NTRK1: variants seen among roughly 807,000 people sequenced by gnomAD.
The protein encoded by NTRK1 is neurotrophic receptor tyrosine kinase 1, also known as high affinity nerve growth factor receptor.
NTRK1 carries 62 observed loss-of-function variants against 86.8 expected under a neutral mutation model. The ratio of observed to expected loss-of-function variants is 0.71; its 90% CI spans 0.58 to 0.88. NTRK1 has a LOEUF of 0.88. Among genes scored for constraint, NTRK1 ranks in the 40% least tolerant of loss-of-function variants. The pLI, the probability that NTRK1 is intolerant of heterozygous loss-of-function variation, is 0.00. For missense variants in NTRK1, 967 were observed against 1,078.4 expected, an observed-to-expected ratio of 0.90 and a Z score of 1.45; for synonymous variants, 469 against 456.6, an observed-to-expected ratio of 1.03 and a Z score of -0.35.
intron 1 of NTRK1, among the ~76,000 whole-genome samples, chr1:156,833,249 G>GT (rs2102843906): frequency 6.6e-6 from 1 of 152,348 alleles, no homozygotes; most frequent in East Asian, 1.9e-4. Flanking sequence ...TTACCAGATT[G>GT]TTTTTTGTGT....
intron 1 of NTRK1, among the ~76,000 whole-genome samples, chr1:156,834,552 T>C (rs1571648539): frequency 1.3e-5 from 2 of 152,154 alleles, no homozygotes; most frequent in Admixed American, 1.3e-4. Context: ...TAACTGGCTG[T>C]GTGATCTTAG....
At chr1:156,839,037 T>G (rs1654671723) in intron 1 of NTRK1, among the ~76,000 whole-genome samples, 1 of 152,198 alleles carries the variant, frequency 6.6e-6, no homozygotes, top group African/African-American at 2.4e-5. Context: ...ACTCCCCAAC[T>G]TTTTCCCTTA....
rs139790457 is a variant in NTRK1, at chr1:156,815,941, T to C, written c.-64+103T>C. The C allele has an allele frequency of 1.0e-3, 1,658 of 1,604,724 alleles. 23 individuals carry two copies. In the African/African-American group the frequency reaches 0.02, roughly 20 times the overall value. On this transcript the variant is annotated intron_variant, in intron 1 of 16. Coordinates refer to the NTRK1 transcript ENST00000392302. ...TGGCCTTTGTCCATCTGCAAGTCCT[T>C]CCCCATGGGAGGGTGGGAGAGATGA...
rs143813011 is a variant in NTRK1, at chr1:156,879,859, C to T, written c.2047-140C>T. On this transcript the variant is annotated intron_variant, in intron 15 of 16. Transcript: ENST00000524377. ...CTCCTGACCTCGTGATTGCCCACCT[C>T]GGCCTCCCAAAGTGCTGGGATTACA... is the stretch of plus-strand genomic sequence containing the variant. 0.011 allele frequency: 10,684 copies of T among 1,016,152 alleles called. 422 individuals carry two copies. The African/African-American group carries it at 0.11, about 11-fold the overall frequency. The allele number at this position is 1,016,152 out of a possible 1,614,324, so 62.9% of individuals were successfully genotyped here. A position where few individuals can be genotyped will look rare whatever the true frequency, so the allele number is the denominator to read the frequency against.
At chr1:156,820,733 G>A (rs1374109874) in intron 1 of NTRK1, among the ~76,000 whole-genome samples, 1 of 152,152 alleles carries the variant, frequency 6.6e-6, no homozygotes, top group Non-Finnish European at 1.5e-5. Context: ...CTCCAGATTT[G>A]TTCTTTTTGC....
intron 1 of NTRK1, among the ~76,000 whole-genome samples, chr1:156,819,340 C>T (rs1401756295): frequency 6.6e-6 from 1 of 151,960 alleles, no homozygotes; most frequent in Non-Finnish European, 1.5e-5. Flanking sequence ...TTAATTATGG[C>T]CATTCTTGCA....
At chr1:156,868,669 G>A (rs1662863254) in intron 6 of NTRK1, 22 bp downstream of exon 6, 4 of 1,549,574 alleles carry the variant, frequency 2.6e-6, no homozygotes, top group Non-Finnish European at 3.5e-6. Flanking sequence ...TTCGCTGGCA[G>A]CCCCCAAGAG....
At chr1:156,840,658 C>G in intron 1 of NTRK1, 1 of 593,838 alleles carries the variant, frequency 1.7e-6, no homozygotes, top group Non-Finnish European at 3.0e-6. Flanking sequence ...TTTGACCCTG[C>G]TTGCTCTCCC....
intron 2 of NTRK1, chr1:156,849,513 G>GGGGGGGGGGGGGGGGGT: frequency 2.1e-6 from 1 of 486,120 alleles, no homozygotes; most frequent in Non-Finnish European, 4.1e-6. Context: ...CAGGGGGTGG[G>GGGGGGGGGGGGGGGGGT]AAAGGGGATG....
chr1:156,862,693 ATGAGGCAGCTT>A (rs1249303123), intron 1 of NTRK1, among the ~76,000 whole-genome samples: 4 of 152,124 alleles, frequency 2.6e-5, no homozygotes, highest in Non-Finnish European at 5.9e-5. Context: ...ATCCAAACGA[ATGAGGCAGCTT>A]TGAGGCAGCT....
At chr1:156,830,964 C>T (rs555764909) in intron 1 of NTRK1, among the ~76,000 whole-genome samples, 3 of 152,302 alleles carry the variant, frequency 2.0e-5, no homozygotes, top group East Asian at 3.9e-4. Flanking sequence ...CATTTAGCAA[C>T]CTTCTTGTTC....
At chr1:156,846,210 C>G (rs550517546) in intron 2 of NTRK1, 6 of 1,313,214 alleles carry the variant, frequency 4.6e-6, no homozygotes, top group Non-Finnish European at 6.2e-6. Flanking sequence ...GGTCCAACAG[C>G]CTTGTTCTCC....
chr1:156,866,543 T>A (rs972920591), intron 3 of NTRK1, among the ~76,000 whole-genome samples: 1 of 152,168 alleles, frequency 6.6e-6, no homozygotes. Context: ...TCCTGGGCTC[T>A]GTAGGGAGGG....
chr1:156,846,243 C>T, intron 2 of NTRK1: 3 of 1,050,320 alleles, frequency 2.9e-6, no homozygotes, highest in Admixed American at 2.8e-5. Flanking sequence ...GATCCTCACC[C>T]CTGGCTTCCT....
chr1:156,834,725 G>GAA (rs149950637), intron 1 of NTRK1, among the ~76,000 whole-genome samples: 16 of 149,844 alleles, frequency 1.1e-4, no homozygotes, highest in African/African-American at 3.8e-4. Context: ...CCTGTTTCAA[G>GAA]AAGAAAAAAA....
intron 11 of NTRK1, among the ~76,000 whole-genome samples, chr1:156,875,228 A>G (rs1348183975): frequency 6.6e-6 from 1 of 151,454 alleles, no homozygotes; most frequent in Non-Finnish European, 1.5e-5. Flanking sequence ...CAGAGGCGGC[A>G]GCTGCTAATT....
chr1:156,845,603 C>A, intron 2 of NTRK1: 1 of 1,590,054 alleles, frequency 6.3e-7, no homozygotes. Flanking sequence ...TCCCAGGCCG[C>A]GCGCGCTCTT....
intron 1 of NTRK1, among the ~76,000 whole-genome samples, chr1:156,836,906 C>T (rs999881691): frequency 3.3e-5 from 5 of 152,210 alleles, no homozygotes; most frequent in Admixed American, 1.3e-4. Flanking sequence ...GGGCAGGAGT[C>T]TAGATCTCCT....
At chr1:156,820,784 T>A (rs1488308583) in intron 1 of NTRK1, among the ~76,000 whole-genome samples, 1 of 152,234 alleles carries the variant, frequency 6.6e-6, no homozygotes, top group South Asian at 2.1e-4. Flanking sequence ...TTTGGTTCCA[T>A]GTGAATTTTA....
Sources: gnomAD v4.1 joint callset for allele counts (sites outside exome capture counted in the v4.1 genomes callset) on GRCh38, gnomAD v4.1.1 for gene constraint, MANE v1.5 for transcripts, NCBI Gene and HGNC (gene_info 2026-07-23, HGNC 2026-07-21) for gene names.